The following AATF variants were observed in gnomAD, a reference collection of about 807,000 sequenced individuals.
AATF encodes the protein protein AATF.
Under a neutral mutation model 63.7 loss-of-function variants are expected in AATF, and 48 were observed. The ratio of observed to expected loss-of-function variants is 0.75; its 90% CI spans 0.60 to 0.96. The LOEUF (loss-of-function observed/expected upper bound fraction) is 0.96, where lower values mean the gene tolerates loss of function less well. Ranked by LOEUF, AATF falls within the 40% of genes least tolerant of loss-of-function variation. The pLI, the probability that AATF is intolerant of heterozygous loss-of-function variation, is 0.00. For synonymous variants in AATF, 258 were observed against 247.7 expected, an observed-to-expected ratio of 1.04 and a Z score of -0.39; for missense variants, 639 against 685.7, an observed-to-expected ratio of 0.93 and a Z score of 0.76.
intron 11 of AATF, among the ~76,000 whole-genome samples, chr17:37,033,382 G>A (rs770803160): frequency 2.6e-5 from 4 of 152,128 alleles, no homozygotes; most frequent in African/African-American, 7.2e-5. Flanking sequence ...TTAAGGTTAC[G>A]TTATTATCCC....
rs73283992 is a variant in AATF at position 36,974,555 on chromosome 17, A to G, written c.833-12062A>G. Among the ~76,000 whole-genome samples, 207 of 152,286 alleles carry G rather than the reference A, an allele frequency of 1.4e-3. 1 individual carries two copies. Among genetic ancestry groups the G allele is most frequent in the African/African-American group, 4.9e-3 (202 of 41,572 alleles). On this transcript the variant is annotated intron_variant, in intron 4 of 11. Coordinates refer to ENST00000619387, the MANE Select transcript of AATF (RefSeq NM_012138.4). Reference sequence around the variant, plus strand: ...CAAAATTTTAAGGCTTTTTATCTATATGGCCAAGTTGCCTTCCAGAAAAGT... The same window carrying G: ...CAAAATTTTAAGGCTTTTTATCTATGTGGCCAAGTTGCCTTCCAGAAAAGT...
intron 4 of AATF, among the ~76,000 whole-genome samples, chr17:36,956,871 G>A (rs2070905253): frequency 6.6e-6 from 1 of 152,058 alleles, no homozygotes; most frequent in Non-Finnish European, 1.5e-5. Context: ...CAGCTACTTG[G>A]GAGGTTGAGG....
chr17:37,012,505 T>G (rs1364074437), intron 8 of AATF, among the ~76,000 whole-genome samples: 2 of 152,226 alleles, frequency 1.3e-5, no homozygotes, highest in Admixed American at 1.3e-4. Context: ...TTGAGTCTGC[T>G]TTTGTATCTC....
rs1182856124 is a variant in AATF at position 36,990,695 on chromosome 17, C to G, written c.1315-79C>G. ...TAAGGAAAACAGTGCTTTGACTGTTCTACATATTATTTATAGTAGCTACAT... is the reference window on the plus strand; with the variant it reads ...TAAGGAAAACAGTGCTTTGACTGTTGTACATATTATTTATAGTAGCTACAT... On this transcript the variant is annotated intron_variant, in intron 7 of 11. Coordinates refer to ENST00000619387, the MANE Select transcript of AATF (RefSeq NM_012138.4). 1.1e-5 allele frequency: 10 copies of G among 875,704 alleles called. No individual in the cohort carries two copies. The African/African-American group carries it at 1.4e-4, about 13-fold the overall frequency. The allele number at this position is 875,704 out of a possible 1,614,324, so 54.2% of individuals were successfully genotyped here. A position where few individuals can be genotyped will look rare whatever the true frequency, so the allele number is the denominator to read the frequency against.
Position 36,989,239 on chromosome 17 carries a change from T to C in AATF, c.1150-8T>C, listed in dbSNP as rs768831029. The C allele has an allele frequency of 1.1e-5, 17 of 1,609,940 alleles. No individual in the cohort carries two copies. The South Asian group carries it at 1.9e-4, about 18-fold the overall frequency. ...TGCATTATCTGACACTGCTTAATGT[T>C]GTTGCAGGGTTTTGGTGCCTTTGAA... On this transcript the variant is annotated splice_region_variant and splice_polypyrimidine_tract_variant and intron_variant, in intron 6 of 11. Transcript: ENST00000619387.
At chr17:37,020,248 A>G (rs1051151837) in intron 9 of AATF, among the ~76,000 whole-genome samples, 12 of 152,124 alleles carry the variant, frequency 7.9e-5, no homozygotes, top group Admixed American at 6.5e-4. Flanking sequence ...ATTCCAGGAA[A>G]TGTGAAGACT....
chr17:37,043,680 C>G (rs2071663891), intron 11 of AATF, among the ~76,000 whole-genome samples: 1 of 152,100 alleles, frequency 6.6e-6, no homozygotes, highest in Non-Finnish European at 1.5e-5. Context: ...TTGCAAAACA[C>G]TTCACTTAAG....
chr17:37,051,833 C>T (rs79334716), intron 11 of AATF, among the ~76,000 whole-genome samples: 2,383 of 152,116 alleles, frequency 0.016, 56 homozygotes, highest in African/African-American at 0.054. Context: ...TAGAAAATGC[C>T]TCACTAAGGG....
chr17:36,963,343 G>A (rs563227701), intron 4 of AATF, among the ~76,000 whole-genome samples: 355 of 152,212 alleles, frequency 2.3e-3, no homozygotes, highest in African/African-American at 8.1e-3. Flanking sequence ...TGTACAGGAC[G>A]GTCCCTAAAT....
intron 4 of AATF, among the ~76,000 whole-genome samples, chr17:36,970,933 ACAGT>A (rs1487024094): frequency 6.6e-6 from 1 of 152,144 alleles, no homozygotes; most frequent in Non-Finnish European, 1.5e-5. Flanking sequence ...TTAACACAAG[ACAGT>A]CAATTTATAT....
intron 11 of AATF, among the ~76,000 whole-genome samples, chr17:37,047,958 G>A (rs1384071045): frequency 1.3e-5 from 2 of 152,224 alleles, no homozygotes; most frequent in Admixed American, 6.5e-5. Flanking sequence ...TAGATAAGGG[G>A]TGTCTCTGAG....
intron 8 of AATF, among the ~76,000 whole-genome samples, chr17:37,012,126 C>T (rs148736805): frequency 0.036 from 5,466 of 151,658 alleles, 330 homozygotes; most frequent in African/African-American, 0.12. Flanking sequence ...AATCTTGGCT[C>T]ACTGCAACTT....
Position 36,988,571 on chromosome 17 carries a change from C to A in AATF, c.1000C>A (p.Arg334=), listed in dbSNP as rs200484699. 13 of 1,614,074 alleles carry A rather than the reference C, an allele frequency of 8.1e-6. No homozygotes were observed. Among genetic ancestry groups the A allele is most frequent in the Non-Finnish European group, 9.3e-6 (11 of 1,180,012 alleles). The change falls in exon 6 of 12, where the codon CGA becomes AGA. Residue 334 remains arginine, a synonymous_variant. Coordinates refer to ENST00000619387, the MANE Select transcript of AATF (RefSeq NM_012138.4). ...DELVEEKKQQ[R]RRVPAKRKLE... ...GCTGGTAGAAGAGAAGAAGCAGCAA[C>A]GAAGAAGGGTCCCTGCAAAGAGGAA... is the stretch of plus-strand genomic sequence containing the variant.
chr17:37,001,337 G>A (rs1295181177), intron 8 of AATF, among the ~76,000 whole-genome samples: 3 of 146,170 alleles, frequency 2.1e-5, no homozygotes, highest in Non-Finnish European at 4.5e-5. Context: ...AGAGAGAAAG[G>A]AGAGAGGGAG....
chr17:37,035,079 G>T (rs537035473), intron 11 of AATF, among the ~76,000 whole-genome samples: 1 of 150,502 alleles, frequency 6.6e-6, no homozygotes, highest in Non-Finnish European at 1.5e-5. Context: ...AGCCGAGATC[G>T]TGCCACTGCA....
chr17:37,028,476 G>A (rs947314545), intron 10 of AATF, among the ~76,000 whole-genome samples: 7 of 151,940 alleles, frequency 4.6e-5, no homozygotes, highest in African/African-American at 1.7e-4. Context: ...GATACATAGA[G>A]GCCTTTTTTA....
chr17:37,050,009 A>G (rs879473592), intron 11 of AATF, among the ~76,000 whole-genome samples: 1 of 152,166 alleles, frequency 6.6e-6, no homozygotes, highest in Non-Finnish European at 1.5e-5. Context: ...ATAGGAGTGC[A>G]GTCAGGATGG....
intron 10 of AATF, among the ~76,000 whole-genome samples, chr17:37,025,116 G>A (rs2071501169): frequency 6.6e-6 from 1 of 152,190 alleles, no homozygotes; most frequent in Admixed American, 6.5e-5. Context: ...AAAGGAAAGT[G>A]AGAAGGTTGG....
At chr17:37,015,760 A>T (rs2142282958) in intron 8 of AATF, among the ~76,000 whole-genome samples, 1 of 152,294 alleles carries the variant, frequency 6.6e-6, no homozygotes, top group Non-Finnish European at 1.5e-5. Context: ...CTGCCTAGGA[A>T]ATTATAGAAT....
Sources: gnomAD v4.1 joint callset for allele counts (sites outside exome capture counted in the v4.1 genomes callset) on GRCh38, gnomAD v4.1.1 for gene constraint, MANE v1.5 for transcripts, NCBI Gene and HGNC (gene_info 2026-07-23, HGNC 2026-07-21) for gene names.